The following PROC variants were observed in gnomAD, a reference collection of about 807,000 sequenced individuals.
PROC encodes the protein protein C, inactivator of coagulation factors Va and VIIIa, also known as vitamin K-dependent protein C.
In PROC, 22 loss-of-function variants were observed where a neutral mutation model predicts 36.3. That is an observed-to-expected ratio of 0.61 (90% CI 0.43 to 0.86). The LOEUF (loss-of-function observed/expected upper bound fraction) is 0.86. Among genes scored for constraint, PROC ranks in the 40% least tolerant of loss-of-function variants. PROC has a pLI of 0.00. For synonymous variants in PROC, 218 were observed against 244.5 expected (o/e 0.89, Z 1.01); for missense variants, 526 against 629.7 (o/e 0.84, Z 1.76).
At chr2:127,425,273 T>A (rs866454217) in intron 6 of PROC, among the ~76,000 whole-genome samples, 2 of 152,250 alleles carry the variant, frequency 1.3e-5, no homozygotes, top group South Asian at 2.1e-4. Context: ...TCCATCCATC[T>A]GCTGTCAGCT....
intron 8 of PROC, 63 bp downstream of exon 8, chr2:127,427,285 T>C: frequency 6.8e-7 from 1 of 1,467,238 alleles, no homozygotes; most frequent in Non-Finnish European, 9.5e-7. Context: ...CCAGGCAGGC[T>C]GTTCAGGTTT....
chr2:127,418,459 C>A lies in PROC; in HGVS notation c.-55C>A. ...ACTCCAGGCTGTCATGGCGGCAGGA[C>A]GGCGAACTTGCAGTATCTCCACGAC... On this transcript the variant is annotated 5_prime_UTR_variant, in exon 1 of 9. Coordinates refer to ENST00000234071, the MANE Select transcript of PROC (RefSeq NM_000312.4). The surrounding 1 kb of genome is among the most constrained non-coding windows in gnomAD (Gnocchi z 4.8). 7.8e-7 allele frequency: 1 copy of A among 1,289,772 alleles called. No homozygotes were observed. The highest frequency in any genetic ancestry group is 1.0e-6 in the Non-Finnish European group (1 of 988,840). The allele number at this position is 1,289,772 out of a possible 1,614,324, so 79.9% of individuals were successfully genotyped here. A position where few individuals can be genotyped will look rare whatever the true frequency, so the allele number is the denominator to read the frequency against.
chr2:127,422,059 G>C (rs997467240), intron 3 of PROC, among the ~76,000 whole-genome samples: 1 of 152,126 alleles, frequency 6.6e-6, no homozygotes, highest in Non-Finnish European at 1.5e-5. Flanking sequence ...CCTGGGGATC[G>C]CTTCAGCCAC....
intron 1 of PROC, among the ~76,000 whole-genome samples, chr2:127,419,341 T>C (rs1687954867): frequency 6.6e-6 from 1 of 152,236 alleles, no homozygotes; most frequent in African/African-American, 2.4e-5. Context: ...GCATGAGCTA[T>C]GTGCAAAGCC....
intron 8 of PROC, among the ~76,000 whole-genome samples, chr2:127,427,507 C>T (rs1477824010): frequency 6.6e-6 from 1 of 152,124 alleles, no homozygotes; most frequent in Admixed American, 6.5e-5. Flanking sequence ...CACCTCTCCA[C>T]TCCCACTCAT....
chr2:127,421,021 C>G (rs141446713), intron 2 of PROC, among the ~76,000 whole-genome samples: 179 of 152,268 alleles, frequency 1.2e-3, no homozygotes, highest in African/African-American at 4.0e-3. Context: ...CTCAAGGTCA[C>G]ACAGAGATCG....
At position 127,418,754 on chromosome 2, in the gene PROC, C is replaced by T. The variant is rs1249343743; in HGVS notation, c.-22+262C>T. 6.6e-6 allele frequency among the ~76,000 whole-genome samples: 1 copy of T among 152,226 alleles called. No homozygotes were observed. The highest frequency in any genetic ancestry group is 2.4e-5 in the African/African-American group (1 of 41,456). ...CCAACAGACAGTTTGGAGCCCAGGA[C>T]CCTCCATTCTCCCCACCCCACTTCC... On this transcript the variant is annotated intron_variant, in intron 1 of 8. Coordinates refer to ENST00000234071, the MANE Select transcript of PROC (RefSeq NM_000312.4). This position sits in a 1 kb window ranked among gnomAD's most constrained non-coding sequence, Gnocchi z 4.8.
At chr2:127,423,624 C>G (rs1233577780) in intron 6 of PROC, 1 of 652,464 alleles carries the variant, frequency 1.5e-6, no homozygotes, top group Non-Finnish European at 2.4e-6. Flanking sequence ...TTCCCTGCTT[C>G]CTTTCTTCCT....
chr2:127,427,306 GC>G, intron 8 of PROC, 84 bp downstream of exon 8: 1 of 1,218,912 alleles, frequency 8.2e-7, no homozygotes, highest in East Asian at 2.3e-5. Context: ...GGGGGACCCC[GC>G]TCCCCAGGTG....
intron 8 of PROC, among the ~76,000 whole-genome samples, 178 bp downstream of exon 8, chr2:127,427,400 C>T (rs552620679): frequency 1.4e-5 from 2 of 139,010 alleles, no homozygotes; most frequent in South Asian, 5.3e-4. Context: ...CACCCATGTA[C>T]ACCCAGTATT....
rs771498658 is a variant in PROC, at chr2:127,426,126, A to C, written c.577A>C (p.Lys193Gln). The change falls in exon 7 of 9, where the codon AAG becomes CAG. Residue 193 changes from lysine (K) to glutamine (Q), a missense_variant. Lys to Gln is a moderately conservative substitution (Grantham distance 53). Coordinates refer to ENST00000234071, the MANE Select transcript of PROC (RefSeq NM_000312.4). This position sits in a 1 kb window ranked among gnomAD's most constrained non-coding sequence, Gnocchi z 7.0. ...GAGGCCCTGGAAGCGGATGGAGAAGAAGCGCAGTCACCTGAAACGAGACAC... is the reference window on the plus strand; with the variant it reads ...GAGGCCCTGGAAGCGGATGGAGAAGCAGCGCAGTCACCTGAAACGAGACAC... ...CGRPWKRMEKKRSHLKRDTED... is the reference protein window; with the variant it reads ...CGRPWKRMEKQRSHLKRDTED... 8.7e-6 allele frequency: 14 copies of C among 1,613,950 alleles called. No homozygotes were observed. In the South Asian group the frequency reaches 9.9e-5, roughly 11 times the overall value.
chr2:127,427,713 AG>A (rs575753756), intron 8 of PROC, among the ~76,000 whole-genome samples: 1 of 152,162 alleles, frequency 6.6e-6, no homozygotes, highest in Non-Finnish European at 1.5e-5. Context: ...CAATTTCTGG[AG>A]GGGGGGTCTG....
chr2:127,419,144 C>T (rs373382207), intron 1 of PROC, among the ~76,000 whole-genome samples: 1 of 152,154 alleles, frequency 6.6e-6, no homozygotes, highest in Non-Finnish European at 1.5e-5. Context: ...AGAATCTGAT[C>T]GATCCCCTGG....
intron 6 of PROC, among the ~76,000 whole-genome samples, chr2:127,424,020 G>A (rs142586462): frequency 6.6e-6 from 1 of 151,912 alleles, no homozygotes; most frequent in East Asian, 1.9e-4. Flanking sequence ...CTTTTAATGT[G>A]GAAATTCCTA....
chr2:127,427,040 A>T, intron 7 of PROC, 65 bp from the exon 8 acceptor site: 1 of 1,388,430 alleles, frequency 7.2e-7, no homozygotes, highest in East Asian at 2.3e-5. Context: ...TATGAAACCC[A>T]GGTGCCCTGG....
chr2:127,428,752 T>C lies in PROC; in HGVS notation c.1192T>C (p.Cys398Arg), dbSNP rs1439742162. 1 of 1,613,222 alleles carries C rather than the reference T, an allele frequency of 6.2e-7. No homozygotes were observed. The highest frequency in any genetic ancestry group is 8.5e-7 in the Non-Finnish European group (1 of 1,179,936). ...AGILGDRQDA[C>R]EGDSGGPMVA... is the part of the protein sequence containing the mutation. The stretch of plus-strand genomic sequence containing the variant: ...CATCCTCGGGGACCGGCAGGATGCC[T>C]GCGAGGGCGACAGTGGGGGGCCCAT... Residue 398 changes from cysteine to arginine, a missense_variant, in exon 9 of 9, where the codon TGC becomes CGC. By Grantham distance (180) the Cys-to-Arg change is radical (BLOSUM62 -3). Coordinates refer to ENST00000234071, the MANE Select transcript of PROC (RefSeq NM_000312.4).
intron 4 of PROC, 36 bp from the exon 5 acceptor site, chr2:127,422,998 C>G: frequency 6.2e-7 from 1 of 1,612,502 alleles, no homozygotes; most frequent in Non-Finnish European, 8.5e-7. Flanking sequence ...CTCGGGATCT[C>G]TGGCCGCTGA....
rs747236088 is a variant in PROC at position 127,422,927 on chromosome 2, G to A, written c.248G>A (p.Trp83Ter). 4 of 1,580,426 alleles carry A rather than the reference G, an allele frequency of 2.5e-6. No individual in the cohort carries two copies. Among genetic ancestry groups the A allele is most frequent in the Non-Finnish European group, 2.6e-6 (3 of 1,164,488 alleles). Residue 83 changes from tryptophan to a stop codon, truncating the protein, a stop_gained, in exon 4 of 9, where the codon TGG becomes TAG. Transcript: ENST00000234071. LOFTEE classifies it high-confidence loss of function. ...FQNVDDTLAF[W>*]SKHVDGDQCL... ...CCGCTCTCTCCGCAGCTGGCCTTCT[G>A]GTCCAAGCACGTCGGTGAGTGCGTT...
rs1320736159 is a variant in PROC, at chr2:127,418,431, C to T, written c.-83C>T. ...AAATATTTGTGGTTATGGATTAACT[C>T]GAACTCCAGGCTGTCATGGCGGCAG... On this transcript the variant is annotated 5_prime_UTR_variant, in exon 1 of 9. Coordinates refer to ENST00000234071, the MANE Select transcript of PROC (RefSeq NM_000312.4). The surrounding 1 kb of genome is among the most constrained non-coding windows in gnomAD (Gnocchi z 4.8). The T allele has an allele frequency of 7.8e-6, 10 of 1,289,802 alleles. No individual in the cohort carries two copies. The highest frequency in any genetic ancestry group is 5.5e-5 in the East Asian group (1 of 18,026). The allele number at this position is 1,289,802 out of a possible 1,614,324, so 79.9% of individuals were successfully genotyped here.
Sources: gnomAD v4.1 joint callset for allele counts (sites outside exome capture counted in the v4.1 genomes callset) on GRCh38, gnomAD v4.1.1 for gene constraint, Gnocchi (gnomAD v3.1) non-coding constraint, MANE v1.5 for transcripts, NCBI Gene and HGNC (gene_info 2026-07-23, HGNC 2026-07-21) for gene names.